Variants in HCN1 observed in about 807,000 individuals in gnomAD.
HCN1 encodes the protein potassium/sodium hyperpolarization-activated cyclic nucleotide-gated channel 1.
Under a neutral mutation model 78.9 loss-of-function variants are expected in HCN1, and 13 were observed. The ratio of observed to expected loss-of-function variants is 0.16; its 90% confidence interval spans 0.11 to 0.26. The LOEUF (loss-of-function observed/expected upper bound fraction) is 0.26. Among genes scored for constraint, HCN1 ranks in the 10% least tolerant of loss-of-function variants. The pLI is 1.00. For missense variants in HCN1, 810 were observed against 1,154.3 expected, an observed-to-expected ratio of 0.70 and a Z score of 4.32; for synonymous variants, 552 against 455.5, an observed-to-expected ratio of 1.21 and a Z score of -2.70.
intron 3 of HCN1, among the ~76,000 whole-genome samples, chr5:45,424,242 G>A (rs1740292835): frequency 6.6e-6 from 1 of 151,934 alleles, no homozygotes; most frequent in African/African-American, 2.4e-5. Flanking sequence ...GCCTTGGGCA[G>A]AGATCGCACC....
At chr5:45,695,231 G>A (rs1250701486) in intron 1 of HCN1, 1 of 193,900 alleles carries the variant, frequency 5.2e-6, no homozygotes, top group Non-Finnish European at 1.0e-5. Flanking sequence ...CGGTTACCCA[G>A]TCTTCTTCTG....
chr5:45,446,084 T>G (rs535507101), intron 3 of HCN1, among the ~76,000 whole-genome samples: 56 of 152,282 alleles, frequency 3.7e-4, no homozygotes, highest in African/African-American at 1.3e-3. Flanking sequence ...ATGATCAAAC[T>G]ACTCTGAGCT....
intron 2 of HCN1, among the ~76,000 whole-genome samples, chr5:45,631,826 T>G (rs933998156): frequency 1.3e-5 from 2 of 152,196 alleles, no homozygotes; most frequent in Admixed American, 6.6e-5. Context: ...AGAATATGTT[T>G]CTAGAATAAC....
At chr5:45,580,011 A>G (rs1744026381) in intron 2 of HCN1, among the ~76,000 whole-genome samples, 1 of 152,068 alleles carries the variant, frequency 6.6e-6, no homozygotes, top group Non-Finnish European at 1.5e-5. Context: ...ATATTAATTG[A>G]AAGATATATA....
At chr5:45,555,092 G>A (rs1273660142) in intron 2 of HCN1, among the ~76,000 whole-genome samples, 4 of 151,790 alleles carry the variant, frequency 2.6e-5, no homozygotes, top group Non-Finnish European at 5.9e-5. Context: ...GATTGGAAAG[G>A]AAGAAGTCAA....
intron 6 of HCN1, among the ~76,000 whole-genome samples, chr5:45,282,908 A>G (rs1291024409): frequency 3.3e-5 from 5 of 152,144 alleles, no homozygotes; most frequent in African/African-American, 1.2e-4. Context: ...TTGAGTTGAC[A>G]TGTTTGTCTA....
intron 2 of HCN1, among the ~76,000 whole-genome samples, chr5:45,494,156 G>T (rs917603093): frequency 2.0e-5 from 3 of 152,112 alleles, no homozygotes; most frequent in African/African-American, 7.2e-5. Flanking sequence ...TCCAGTTCTA[G>T]ATCCCTGAGG....
At chr5:45,618,804 C>T (rs752238894) in intron 2 of HCN1, among the ~76,000 whole-genome samples, 2 of 151,836 alleles carry the variant, frequency 1.3e-5, no homozygotes, top group Non-Finnish European at 2.9e-5. Flanking sequence ...ATGAATGGTG[C>T]TGCAGTTGAG....
At chr5:45,351,063 A>T (rs1433748195) in intron 5 of HCN1, among the ~76,000 whole-genome samples, 1 of 152,062 alleles carries the variant, frequency 6.6e-6, no homozygotes, top group African/African-American at 2.4e-5. Context: ...AGCCCGCATC[A>T]CCAAGTCAAT....
chr5:45,544,455 T>A (rs1161161566), intron 2 of HCN1, among the ~76,000 whole-genome samples: 3 of 151,902 alleles, frequency 2.0e-5, no homozygotes, highest in Middle Eastern at 3.2e-3. Context: ...GAATTTTTTT[T>A]TAATTATACT....
At chr5:45,299,926 G>T (rs1745576183) in intron 6 of HCN1, among the ~76,000 whole-genome samples, 1 of 152,004 alleles carries the variant, frequency 6.6e-6, no homozygotes, top group East Asian at 1.9e-4. Flanking sequence ...CTATGTTAAA[G>T]AAATATTACA....
chr5:45,535,426 C>A (rs1460142977), intron 2 of HCN1, among the ~76,000 whole-genome samples: 1 of 151,970 alleles, frequency 6.6e-6, no homozygotes, highest in Admixed American at 6.6e-5. Context: ...GGTGAAACCC[C>A]GTCTTTACAA....
chr5:45,613,664 C>T (rs1428442409), intron 2 of HCN1, among the ~76,000 whole-genome samples: 2 of 151,882 alleles, frequency 1.3e-5, no homozygotes, highest in Non-Finnish European at 2.9e-5. Flanking sequence ...CACATGCACA[C>T]GTATGTTTAT....
At chr5:45,430,886 T>G (rs896672853) in intron 3 of HCN1, among the ~76,000 whole-genome samples, 10 of 152,162 alleles carry the variant, frequency 6.6e-5, no homozygotes, top group African/African-American at 2.4e-4. Flanking sequence ...TTTGCTATTG[T>G]GAATAGTGCT....
At chr5:45,512,142 A>G (rs1402982723) in intron 2 of HCN1, among the ~76,000 whole-genome samples, 1 of 152,088 alleles carries the variant, frequency 6.6e-6, no homozygotes, top group Non-Finnish European at 1.5e-5. Context: ...CTTTCTATTT[A>G]CAAAACCCTA....
intron 5 of HCN1, among the ~76,000 whole-genome samples, 163 bp from the exon 6 acceptor site, chr5:45,304,002 T>A (rs377372374): frequency 5.6e-4 from 85 of 152,170 alleles, no homozygotes; most frequent in Non-Finnish European, 1.0e-3. Context: ...GTCAGGATTA[T>A]GTTTTATTTT....
At chr5:45,323,881 G>A (rs1224787571) in intron 5 of HCN1, among the ~76,000 whole-genome samples, 2 of 151,946 alleles carry the variant, frequency 1.3e-5, no homozygotes, top group African/African-American at 4.8e-5. Context: ...TCCCTACAAA[G>A]GACATGAACT....
At chr5:45,435,369 T>G (rs1048990355) in intron 3 of HCN1, among the ~76,000 whole-genome samples, 3 of 152,178 alleles carry the variant, frequency 2.0e-5, no homozygotes, top group African/African-American at 7.2e-5. Flanking sequence ...TTGATTATTT[T>G]TCTAACTTCC....
chr5:45,493,463 A>G (rs189433483), intron 2 of HCN1, among the ~76,000 whole-genome samples: 4 of 152,238 alleles, frequency 2.6e-5, no homozygotes, highest in Non-Finnish European at 4.4e-5. Flanking sequence ...TTTTTACACT[A>G]AAATATCTAT....
Sources: allele counts gnomAD v4.1 joint callset (sites outside exome capture counted in the v4.1 genomes callset), GRCh38; gene constraint gnomAD v4.1.1; transcripts MANE v1.5; gene names NCBI Gene and HGNC (gene_info 2026-07-23, HGNC 2026-07-21).